NOA1: variants seen among roughly 807,000 people sequenced by gnomAD.
The protein encoded by NOA1 is nitric oxide-associated protein 1.
Under a neutral mutation model 58.4 loss-of-function variants are expected in NOA1, and 35 were observed. That is an observed-to-expected ratio of 0.60 (90% CI 0.46 to 0.79). The LOEUF is 0.79. NOA1 is among the 30% of genes least tolerant of loss of function. NOA1 has a pLI of 0.00. For missense variants in NOA1, 895 were observed against 894.6 expected (o/e 1.00, Z -0.01); for synonymous variants, 397 against 373.4 (o/e 1.06, Z -0.73).
chr4:56,973,470 ATAAT>A (rs1721845728), intron 2 of NOA1, 117 bp from the exon 3 acceptor site: 1 of 865,286 alleles, frequency 1.2e-6, no homozygotes, highest in African/African-American at 1.7e-5. Flanking sequence ...AAGTGAGACC[ATAAT>A]GATACTTTTG....
chr4:56,974,651 CA>C (rs5858406), intron 1 of NOA1, among the ~76,000 whole-genome samples: 52,264 of 143,622 alleles, frequency 0.36, 9,204 homozygotes, highest in East Asian at 0.46. Context: ...GCCTCTGTCT[CA>C]AAAAAAAAAA....
In NOA1 at chr4:56,973,792, T is replaced by C. The variant is rs1349197988; in HGVS notation, c.1309+66A>G. On this transcript the variant is annotated intron_variant, in intron 2 of 6. Coordinates refer to ENST00000264230, the MANE Select transcript of NOA1 (RefSeq NM_032313.4). The stretch of plus-strand genomic sequence containing the variant: ...ACTGGCTAGCCTCGGACAGCTGTAT[T>C]TCAGGTTGCTTAACAAAGAATTTTA... 13 of 1,522,552 alleles carry C rather than the reference T, an allele frequency of 8.5e-6. No homozygotes were observed. In the Admixed American group the frequency reaches 2.2e-4, roughly 26 times the overall value. 94.3% of individuals were successfully genotyped at this position (1,522,552 alleles called of 1,614,324 possible).
Position 56,966,257 on chromosome 4 carries a change from C to T in NOA1, c.1764+363G>A, listed in dbSNP as rs147590701. Reference sequence around the variant, plus strand: ...GGCCAGGCTGGTCTTGAACTCCTGACCTTGTGATCCATCTGCCTTGGCCTC... The same window carrying T: ...GGCCAGGCTGGTCTTGAACTCCTGATCTTGTGATCCATCTGCCTTGGCCTC... On this transcript the variant is annotated intron_variant, in intron 5 of 6. Coordinates refer to ENST00000264230, the MANE Select transcript of NOA1 (RefSeq NM_032313.4). Among the ~76,000 whole-genome samples the T allele has an allele frequency of 1.8e-3, 273 of 152,160 alleles. 2 individuals are homozygous for T. The East Asian group carries it at 0.051, about 28-fold the overall frequency.
chr4:56,963,504 C>T lies in NOA1; in HGVS notation c.2043G>A (p.Lys681=). 6.2e-7 allele frequency: 1 copy of T among 1,614,052 alleles called. No homozygotes were observed. Among genetic ancestry groups the T allele is most frequent in the East Asian group, 2.2e-5 (1 of 44,866 alleles). Residue 681 remains lysine (K), a synonymous_variant, in exon 7 of 7, where the codon AAG becomes AAA. Coordinates refer to ENST00000264230, the MANE Select transcript of NOA1 (RefSeq NM_032313.4). Reference sequence around the variant, plus strand: ...TCACGTTGTACATAAGGGAAGGAGGCTTCTTGGTTTTATAGGCCACACTTT... The same window carrying T: ...TCACGTTGTACATAAGGGAAGGAGGTTTCTTGGTTTTATAGGCCACACTTT... ...IKKSVAYKTK[K]PPSLMYNVRK...
chr4:56,965,330 A>G (rs949875461), intron 5 of NOA1, among the ~76,000 whole-genome samples: 2 of 152,104 alleles, frequency 1.3e-5, no homozygotes, highest in African/African-American at 4.8e-5. Flanking sequence ...TCATCTATTC[A>G]TTAGCAAATC....
In NOA1 at chr4:56,973,202, A is replaced by G; in HGVS notation, c.1461T>C (p.Asp487=). The G allele has an allele frequency of 6.2e-7, 1 of 1,614,156 alleles. No individual in the cohort carries two copies. Among genetic ancestry groups the G allele is most frequent in the South Asian group, 1.1e-5 (1 of 91,082 alleles). The change falls in exon 3 of 7, where the codon GAT becomes GAC. Residue 487 remains aspartate, a synonymous_variant. Transcript: ENST00000264230. ...STKQVELTAQ[D]VKDAHWFYDT... is the part of the protein sequence containing the mutation. ...CATAAAACCAGTGGGCATCTTTCAC[A>G]TCTTGTGCAGTCAATTCTACTTGTT...
chr4:56,965,000 G>A (rs940506903), intron 5 of NOA1, among the ~76,000 whole-genome samples: 4 of 132,864 alleles, frequency 3.0e-5, no homozygotes, highest in East Asian at 1.9e-4. Context: ...AAGTAATTGA[G>A]TAATTTTTTT....
chr4:56,965,693 GGTGT>G (rs10548713), intron 5 of NOA1, among the ~76,000 whole-genome samples: 14,055 of 148,934 alleles, frequency 0.094, 950 homozygotes, highest in East Asian at 0.21. Context: ...TCCAAAGTAT[GGTGT>G]GTGTGTGTGT....
chr4:56,975,713 T>C lies in NOA1; in HGVS notation c.1144+729A>G, dbSNP rs1721898886. Among the ~76,000 whole-genome samples the C allele has an allele frequency of 1.3e-5, 2 of 151,890 alleles. 1 individual carries two copies. Among genetic ancestry groups the C allele is most frequent in the South Asian group, 4.2e-4 (2 of 4,816 alleles). On this transcript the variant is annotated intron_variant, in intron 1 of 6. Coordinates refer to ENST00000264230, the MANE Select transcript of NOA1 (RefSeq NM_032313.4). ...CAACATAGTGAAACCCCGTCTCTAC[T>C]AAAAATATAAAAATTAGCTGGGCAT...
At chr4:56,964,834 A>G (rs901517533) in intron 5 of NOA1, among the ~76,000 whole-genome samples, 8 of 152,262 alleles carry the variant, frequency 5.3e-5, no homozygotes, top group Non-Finnish European at 8.8e-5. Flanking sequence ...AGGGCCTCAC[A>G]TAGATTAATG....
intron 1 of NOA1, among the ~76,000 whole-genome samples, chr4:56,974,939 G>A (rs1481112575): frequency 6.6e-6 from 1 of 151,970 alleles, no homozygotes; most frequent in Admixed American, 6.5e-5. Context: ...CTGACCTCAG[G>A]TGATCTGCCC....
At position 56,964,395 on chromosome 4, in the gene NOA1, C is replaced by T. The variant is rs1160008012; in HGVS notation, c.1885+11G>A. The T allele has an allele frequency of 3.7e-6, 6 of 1,613,758 alleles. 1 individual carries two copies. Among genetic ancestry groups the T allele is most frequent in the African/African-American group, 2.7e-5 (2 of 74,886 alleles). On this transcript the variant is annotated intron_variant, in intron 6 of 6. Coordinates refer to ENST00000264230, the MANE Select transcript of NOA1 (RefSeq NM_032313.4). ...TATTCACTTTTTAAAAAGTGCTTGGCATAAAATTACCTGCAGAGGAAAACT... is the reference window on the plus strand; with the variant it reads ...TATTCACTTTTTAAAAAGTGCTTGGTATAAAATTACCTGCAGAGGAAAACT...
chr4:56,971,179 G>A (rs1721804915), intron 3 of NOA1, among the ~76,000 whole-genome samples: 1 of 151,986 alleles, frequency 6.6e-6, no homozygotes, highest in South Asian at 2.1e-4. Context: ...TGGGTGTGGT[G>A]GTACATGCCT....
In NOA1 at chr4:56,964,618, G is replaced by C. The variant is rs1721665336; in HGVS notation, c.1765-92C>G. 2.2e-6 allele frequency: 3 copies of C among 1,347,076 alleles called. No homozygotes were observed. In the Admixed American group the frequency reaches 6.4e-5, roughly 29 times the overall value. 83.4% of individuals were successfully genotyped at this position (1,347,076 alleles called of 1,614,324 possible). ...TCACTGATAAGATAATTCTGTACAG[G>C]GATCAAGAATAAAATCCTTTCAAAT... On this transcript the variant is annotated intron_variant, in intron 5 of 6. Coordinates refer to ENST00000264230, the MANE Select transcript of NOA1 (RefSeq NM_032313.4).
At position 56,977,121 on chromosome 4, in the gene NOA1, C is replaced by G. The variant is rs908666249; in HGVS notation, c.465G>C (p.Val155=). 6.4e-7 allele frequency: 1 copy of G among 1,555,684 alleles called. No individual in the cohort carries two copies. The highest frequency in any genetic ancestry group is 1.4e-5 in the African/African-American group (1 of 73,666). The change falls in exon 1 of 7, where the codon GTG becomes GTC. Residue 155 remains valine, a synonymous_variant. Coordinates refer to ENST00000264230, the MANE Select transcript of NOA1 (RefSeq NM_032313.4). ...ACTTCTCTCGGGGCAGGTAGCCGGGCACTCCGGCGTCCTGGCAGTGCAGCT... is the reference window on the plus strand; with the variant it reads ...ACTTCTCTCGGGGCAGGTAGCCGGGGACTCCGGCGTCCTGGCAGTGCAGCT... The part of the protein sequence containing the change: ...GAELHCQDAG[V]PGYLPREKFL...
At chr4:56,965,545 T>TAA (rs962187649) in intron 5 of NOA1, among the ~76,000 whole-genome samples, 2 of 152,142 alleles carry the variant, frequency 1.3e-5, no homozygotes, top group African/African-American at 4.8e-5. Flanking sequence ...TATATATATA[T>TAA]AACAAAAACA....
intron 1 of NOA1, 129 bp downstream of exon 1, chr4:56,976,313 G>T (rs1721919637): frequency 2.7e-6 from 2 of 741,098 alleles, no homozygotes; most frequent in Non-Finnish European, 4.4e-6. Context: ...AGAGTGGGGA[G>T]AGAATTTGTA....
At chr4:56,974,082 A>G in intron 1 of NOA1, 60 bp from the exon 2 acceptor site, 1 of 1,070,698 alleles carries the variant, frequency 9.3e-7, no homozygotes, top group Non-Finnish European at 1.3e-6. Flanking sequence ...GAAAATGAAC[A>G]TTTTTGAGGA....
intron 4 of NOA1, among the ~76,000 whole-genome samples, chr4:56,967,207 CT>C (rs1468635359): frequency 6.6e-6 from 1 of 151,800 alleles, no homozygotes; most frequent in Non-Finnish European, 1.5e-5. Context: ...TGGCAAAACC[CT>C]GTCTCTATAA....
Sources: gnomAD v4.1 joint callset for allele counts (sites outside exome capture counted in the v4.1 genomes callset) on GRCh38, gnomAD v4.1.1 for gene constraint, MANE v1.5 for transcripts, NCBI Gene and HGNC (gene_info 2026-07-23, HGNC 2026-07-21) for gene names.